The following ALPL variants were observed in gnomAD, a reference collection of about 807,000 sequenced individuals.
The protein encoded by ALPL is alkaline phosphatase, biomineralization associated.
ALPL carries 42 observed loss-of-function variants against 51.3 expected under a neutral mutation model. The ratio of observed to expected loss-of-function variants is 0.82; its 90% CI spans 0.64 to 1.06. The LOEUF (loss-of-function observed/expected upper bound fraction) is 1.06. ALPL is among the 50% of genes least tolerant of loss of function. The pLI, the probability that ALPL is intolerant of heterozygous loss-of-function variation, is 0.00. For synonymous variants in ALPL, 279 were observed against 296.4 expected (o/e 0.94, Z 0.60); for missense variants, 589 against 709.4 (o/e 0.83, Z 1.93).
chr1:21,532,162 G>A (rs1279268970), intron 1 of ALPL, among the ~76,000 whole-genome samples: 1 of 152,038 alleles, frequency 6.6e-6, no homozygotes, highest in Non-Finnish European at 1.5e-5. Context: ...AGAGTCAGTG[G>A]TATTAGAATA....
At chr1:21,567,895 G>A (rs1227422574) in intron 6 of ALPL, among the ~76,000 whole-genome samples, 1 of 152,080 alleles carries the variant, frequency 6.6e-6, no homozygotes, top group African/African-American at 2.4e-5. Context: ...ATCCCTAGAA[G>A]CGCCAAACCA....
chr1:21,560,879 C>A, intron 3 of ALPL, 134 bp downstream of exon 3: 1 of 1,261,110 alleles, frequency 7.9e-7, no homozygotes, highest in Non-Finnish European at 1.1e-6. Flanking sequence ...GGATGAGGGG[C>A]CAGGCTGTGG....
At chr1:21,554,928 T>C (rs780100601) in intron 2 of ALPL, among the ~76,000 whole-genome samples, 1 of 117,326 alleles carries the variant, frequency 8.5e-6, no homozygotes, top group African/African-American at 2.9e-5. Flanking sequence ...CTTTCTTTCT[T>C]TCTTTTCTTT....
chr1:21,520,551 T>G (rs1276031112), intron 1 of ALPL, among the ~76,000 whole-genome samples: 1 of 137,632 alleles, frequency 7.3e-6, no homozygotes, highest in African/African-American at 2.7e-5. Context: ...CACTGCAGCC[T>G]CCCAGGTTCA....
intron 3 of ALPL, 132 bp downstream of exon 3, chr1:21,560,877 G>A: frequency 1.6e-6 from 2 of 1,283,844 alleles, no homozygotes; most frequent in Middle Eastern, 2.6e-4. Context: ...AAGGATGAGG[G>A]GCCAGGCTGT....
At position 21,522,503 on chromosome 1, in the gene ALPL, C is replaced by T. The variant is rs750060267; in HGVS notation, c.-105+12986C>T. 3.3e-5 allele frequency among the ~76,000 whole-genome samples: 5 copies of T among 152,264 alleles called. No individual in the cohort carries two copies. The South Asian group carries it at 8.3e-4, about 25-fold the overall frequency. On this transcript the variant is annotated intron_variant, in intron 1 of 11. Coordinates refer to ENST00000374840, the MANE Select transcript of ALPL (RefSeq NM_000478.6). ...CTCCTAGGTCACCTGGTTGGTGTCA[C>T]GTGCAAATATTTTAATATCTCCCAG...
At position 21,561,154 on chromosome 1, in the gene ALPL, A is replaced by G. The variant is rs991273242; in HGVS notation, c.239A>G (p.Asn80Ser). 1.2e-5 allele frequency: 19 copies of G among 1,613,386 alleles called. No individual in the cohort carries two copies. Among genetic ancestry groups the G allele is most frequent in the Non-Finnish European group, 1.5e-5 (18 of 1,179,876 alleles). ...ATCCTCAAGGGTCAGCTCCACCACAACCCTGGGGAGGAGACCAGGCTGGAG... is the reference window on the plus strand; with the variant it reads ...ATCCTCAAGGGTCAGCTCCACCACAGCCCTGGGGAGGAGACCAGGCTGGAG... ...ARILKGQLHH[N>S]PGEETRLEMD... Residue 80 changes from asparagine (N) to serine (S), a missense_variant, in exon 4 of 12, where the codon AAC becomes AGC. Asn to Ser is a conservative substitution (Grantham distance 46). Transcript: ENST00000374840.
At chr1:21,573,964 C>G in intron 9 of ALPL, 165 bp downstream of exon 9, 1 of 985,276 alleles carries the variant, frequency 1.0e-6, no homozygotes, top group Non-Finnish European at 1.2e-6. Context: ...GTAGACACTC[C>G]CAGCCCAGCA....
rs121918005 is a variant in ALPL at position 21,560,662 on chromosome 1, C to T, written c.98C>T (p.Ala33Val). Residue 33 changes from alanine (A) to valine (V), a missense_variant, in exon 3 of 12, where the codon GCG becomes GTG. Coordinates refer to ENST00000374840, the MANE Select transcript of ALPL (RefSeq NM_000478.6). Reference protein sequence around the residue: ...EKDPKYWRDQAQETLKYALEL... With the variant: ...EKDPKYWRDQVQETLKYALEL... ...GACCCCAAGTACTGGCGAGACCAAG[C>T]GCAAGAGACACTGAAATATGCCCTG... is the stretch of plus-strand genomic sequence containing the variant. 8 of 1,614,012 alleles carry T rather than the reference C, an allele frequency of 5.0e-6. No individual in the cohort carries two copies. The highest frequency in any genetic ancestry group is 4.5e-5 in the East Asian group (2 of 44,884).
In ALPL at chr1:21,564,311, C is replaced by A; in HGVS notation, c.648+95C>A. ...CCCAGGCTGGCCCGGAGAAAGCAGC[C>A]TGGCCTGGCTCCCCACACACCTGGG... On this transcript the variant is annotated intron_variant, in intron 6 of 11. Transcript: ENST00000374840. This position sits in a 1 kb window ranked among gnomAD's most constrained non-coding sequence, Gnocchi z 5.8. 6.7e-7 allele frequency: 1 copy of A among 1,494,828 alleles called. No individual in the cohort carries two copies. The highest frequency in any genetic ancestry group is 9.1e-7 in the Non-Finnish European group (1 of 1,095,378). The allele number at this position is 1,494,828 out of a possible 1,614,324, so 92.6% of individuals were successfully genotyped here. A position where few individuals can be genotyped will look rare whatever the true frequency, so the allele number is the denominator to read the frequency against.
At chr1:21,569,954 C>T (rs1405763323) in intron 7 of ALPL, among the ~76,000 whole-genome samples, 2 of 152,118 alleles carry the variant, frequency 1.3e-5, no homozygotes, top group Non-Finnish European at 2.9e-5. Flanking sequence ...CTCTTCTTTG[C>T]CCCATGATCC....
chr1:21,545,435 C>A (rs151226398), intron 1 of ALPL, among the ~76,000 whole-genome samples: 7 of 152,116 alleles, frequency 4.6e-5, no homozygotes, highest in African/African-American at 7.2e-5. Flanking sequence ...GGATTACAGG[C>A]GCCTGCCACC....
At chr1:21,574,944 GC>G (rs542647161) in intron 9 of ALPL, among the ~76,000 whole-genome samples, 339 of 152,388 alleles carry the variant, frequency 2.2e-3, no homozygotes, top group Non-Finnish European at 4.0e-3. Flanking sequence ...ACCAGGCAGC[GC>G]CCTCCTGTTA....
intron 1 of ALPL, among the ~76,000 whole-genome samples, chr1:21,520,925 C>T (rs960336583): frequency 1.1e-4 from 17 of 152,186 alleles, no homozygotes; most frequent in Non-Finnish European, 1.8e-4. Context: ...GAAGGTCTTT[C>T]CCCAGCTGTG....
intron 1 of ALPL, among the ~76,000 whole-genome samples, chr1:21,510,736 A>T (rs1643670508): frequency 6.6e-6 from 1 of 152,200 alleles, no homozygotes; most frequent in African/African-American, 2.4e-5. Flanking sequence ...TCCTGGGCTC[A>T]GCCCGCTCTT....
intron 2 of ALPL, among the ~76,000 whole-genome samples, chr1:21,555,664 C>T (rs908526115): frequency 2.6e-5 from 4 of 151,400 alleles, no homozygotes; most frequent in East Asian, 3.9e-4. Context: ...GTGATCCACC[C>T]GCCTTGGCCT....
intron 1 of ALPL, among the ~76,000 whole-genome samples, chr1:21,538,725 G>A (rs1048685118): frequency 3.9e-5 from 6 of 152,070 alleles, no homozygotes; most frequent in East Asian, 3.9e-4. Flanking sequence ...GCCAGGGTGC[G>A]CCCACCTGGC....
intron 1 of ALPL, among the ~76,000 whole-genome samples, chr1:21,521,776 C>G (rs985993546): frequency 5.3e-5 from 8 of 152,176 alleles, no homozygotes. Flanking sequence ...ATACCTCTGG[C>G]CAATGTCTTT....
chr1:21,545,062 G>A (rs976071412), intron 1 of ALPL, among the ~76,000 whole-genome samples: 3 of 151,970 alleles, frequency 2.0e-5, no homozygotes, highest in African/African-American at 7.3e-5. Flanking sequence ...CATTTACAAT[G>A]GTGATAGTGA....
Sources: allele counts gnomAD v4.1 joint callset (sites outside exome capture counted in the v4.1 genomes callset), GRCh38; gene constraint gnomAD v4.1.1; non-coding constraint Gnocchi (gnomAD v3.1); transcripts MANE v1.5; gene names NCBI Gene and HGNC (gene_info 2026-07-23, HGNC 2026-07-21).